Variants in PAK4 observed in about 807,000 individuals in gnomAD.
PAK4 encodes p21 (RAC1) activated kinase 4, also known as serine/threonine-protein kinase PAK 4.
In PAK4, 49 loss-of-function variants were observed where a neutral mutation model predicts 53.5. The observed-to-expected ratio is 0.92, with a 90% CI of 0.73 to 1.16. The LOEUF (loss-of-function observed/expected upper bound fraction) is 1.16. Ranked by LOEUF, PAK4 falls within the 50% of genes most tolerant of loss-of-function variation. The probability of loss-of-function intolerance (pLI) is 0.00; values close to 1 mark genes in which losing one functional copy is unlikely to be tolerated. For missense variants in PAK4, 824 were observed against 850.7 expected (o/e 0.97, Z 0.39); for synonymous variants, 376 against 375.6 (o/e 1.00, Z -0.01).
At chr19:39,159,200 A>G (rs2074243614) in intron 1 of PAK4, among the ~76,000 whole-genome samples, 3 of 152,024 alleles carry the variant, frequency 2.0e-5, no homozygotes, top group Admixed American at 2.0e-4. Context: ...GCTCTTAACC[A>G]CCAGTACAGG....
intron 1 of PAK4, among the ~76,000 whole-genome samples, chr19:39,149,371 T>A (rs2074057436): frequency 6.6e-6 from 1 of 152,210 alleles, no homozygotes; most frequent in Non-Finnish European, 1.5e-5. Context: ...AACATTATGC[T>A]TAGTGAAATC....
Position 39,175,035 on chromosome 19 carries a change from C to T in PAK4, c.1203C>T (p.Gly401=), listed in dbSNP as rs750834218. Residue 401 remains glycine (G), a synonymous_variant, in exon 5 of 9, where the codon GGC becomes GGT. Transcript: ENST00000358301. This position sits in a 1 kb window ranked among gnomAD's most constrained non-coding sequence, Gnocchi z 4.7. Reference sequence around the variant, plus strand: ...TGGTCATGGAGTTCCTGGAAGGAGGCGCCCTCACCGACATCGTCACCCACA... The same window carrying T: ...TGGTCATGGAGTTCCTGGAAGGAGGTGCCCTCACCGACATCGTCACCCACA... 12 of 1,613,182 alleles carry T rather than the reference C, an allele frequency of 7.4e-6. No homozygotes were observed. Among genetic ancestry groups the T allele is most frequent in the Admixed American group, 1.7e-5 (1 of 59,958 alleles).
intron 1 of PAK4, among the ~76,000 whole-genome samples, chr19:39,130,706 G>A (rs1420116527): frequency 6.6e-6 from 1 of 151,870 alleles, no homozygotes; most frequent in Non-Finnish European, 1.5e-5. Context: ...AGCCAGTGTG[G>A]CTGAGCAGGG....
At position 39,175,045 on chromosome 19, in the gene PAK4, G is replaced by A. The variant is rs2144866704; in HGVS notation, c.1213G>A (p.Asp405Asn). 6 of 1,612,250 alleles carry A rather than the reference G, an allele frequency of 3.7e-6. No individual in the cohort carries two copies. Among genetic ancestry groups the A allele is most frequent in the Middle Eastern group, 1.7e-4 (1 of 6,050 alleles). The stretch of plus-strand genomic sequence containing the variant: ...GTTCCTGGAAGGAGGCGCCCTCACC[G>A]ACATCGTCACCCACACCAGGTATTT... Residue 405 changes from aspartate (D) to asparagine (N), a missense_variant, in exon 5 of 9, where the codon GAC (aspartate) becomes AAC (asparagine). By Grantham distance (23) the Asp-to-Asn change is conservative (BLOSUM62 1). Coordinates refer to ENST00000358301, the Ensembl canonical transcript of PAK4. The surrounding 1 kb of genome is among the most constrained non-coding windows in gnomAD (Gnocchi z 4.7).
At chr19:39,181,458 C>G (rs1033797091), downstream of PAK4, 10 of 152,344 alleles carry the variant, frequency 6.6e-5, no homozygotes, top group African/African-American at 2.4e-4. Flanking sequence ...AAGTGCCCAG[C>G]AATCATTAGA....
intron 1 of PAK4, among the ~76,000 whole-genome samples, chr19:39,150,534 C>T (rs1480290867): frequency 3.3e-5 from 5 of 152,080 alleles, no homozygotes; most frequent in African/African-American, 1.2e-4. Context: ...GTCACTCATC[C>T]TCACGCCCAC....
intron 1 of PAK4, among the ~76,000 whole-genome samples, chr19:39,128,109 C>T (rs574092702): frequency 1.8e-4 from 27 of 152,246 alleles, no homozygotes; most frequent in Admixed American, 1.4e-3. Context: ...TGGTACACAC[C>T]CCTCTCCATC....
chr19:39,126,127 G>A (rs1195432813), intron 1 of PAK4, among the ~76,000 whole-genome samples: 1 of 152,128 alleles, frequency 6.6e-6, no homozygotes, highest in Admixed American at 6.5e-5. Flanking sequence ...GTGGCGAAGG[G>A]GAGTGCAAAG....
At chr19:39,162,094 G>T (rs531330778) in intron 1 of PAK4, among the ~76,000 whole-genome samples, 1 of 152,190 alleles carries the variant, frequency 6.6e-6, no homozygotes, top group African/African-American at 2.4e-5. Flanking sequence ...CAAGTAGCTG[G>T]GACTACAGGC....
At chr19:39,170,945 G>A (rs1441676039) in intron 2 of PAK4, among the ~76,000 whole-genome samples, 2 of 152,178 alleles carry the variant, frequency 1.3e-5, no homozygotes, top group African/African-American at 4.8e-5. Flanking sequence ...GGCCGCACCC[G>A]ACCCACCTCA....
intron 1 of PAK4, among the ~76,000 whole-genome samples, chr19:39,142,201 A>G (rs530706110): frequency 6.6e-6 from 1 of 152,082 alleles, no homozygotes; most frequent in African/African-American, 2.4e-5. Context: ...GACCTAGGCC[A>G]TTTGTCCTGG....
At chr19:39,180,975 A>G (rs2074694300), downstream of PAK4, 1 of 152,236 alleles carries the variant, frequency 6.6e-6, no homozygotes, top group East Asian at 1.9e-4. Flanking sequence ...CCTGCTGAAG[A>G]AACCACGGGC....
chr19:39,175,098 C>A lies in PAK4; in HGVS notation c.1232+34C>A, dbSNP rs368773814. On this transcript the variant is annotated intron_variant, in intron 5 of 8. Coordinates refer to ENST00000358301, the Ensembl canonical transcript of PAK4. This position sits in a 1 kb window ranked among gnomAD's most constrained non-coding sequence, Gnocchi z 4.7. ...GGGGCCTCAGACCCCTCCTGTGACA[C>A]GACCAAGTCCCCTCCAGACCACTAG... 3 of 1,581,896 alleles carry A rather than the reference C, an allele frequency of 1.9e-6. No individual in the cohort carries two copies. Among genetic ancestry groups the A allele is most frequent in the South Asian group, 1.2e-5 (1 of 84,480 alleles).
At chr19:39,162,825 C>T (rs1324719956) in intron 1 of PAK4, among the ~76,000 whole-genome samples, 6 of 152,018 alleles carry the variant, frequency 3.9e-5, no homozygotes, top group African/African-American at 1.5e-4. Context: ...TGGGTCGATG[C>T]GTGGGTGGGT....
In PAK4 at chr19:39,176,450, C is replaced by A. The variant is rs1392579228; in HGVS notation, c.1360-140C>A. On this transcript the variant is annotated intron_variant, in intron 6 of 8. Transcript: ENST00000358301. ...CTCCCCATTGGTCTGGCTCTAGACC[C>A]CAGCTCTGACCCTAGACCCCAGCTC... The A allele has an allele frequency of 4.3e-6, 5 of 1,164,630 alleles. No homozygotes were observed. The East Asian group carries it at 1.2e-4, about 28-fold the overall frequency. The allele number at this position is 1,164,630 out of a possible 1,614,324, so 72.1% of individuals were successfully genotyped here.
chr19:39,131,168 G>A (rs1014122475), intron 1 of PAK4, among the ~76,000 whole-genome samples: 1 of 152,110 alleles, frequency 6.6e-6, no homozygotes, highest in African/African-American at 2.4e-5. Flanking sequence ...AGGCCTTGGG[G>A]CTTCAGTGTC....
intron 1 of PAK4, among the ~76,000 whole-genome samples, chr19:39,129,140 C>T (rs775366097): frequency 2.6e-5 from 4 of 152,138 alleles, no homozygotes; most frequent in Admixed American, 2.0e-4. Context: ...AACTCCTGGG[C>T]TCAAGCTATC....
intron 1 of PAK4, among the ~76,000 whole-genome samples, chr19:39,146,061 A>G (rs1467521870): frequency 6.6e-6 from 1 of 152,224 alleles, no homozygotes; most frequent in East Asian, 1.9e-4. Context: ...TAGTGTGTGG[A>G]AGCCTCTTAA....
rs201511246 is a variant in PAK4, at chr19:39,169,540, G to A, written c.-14G>A. On this transcript the variant is annotated 5_prime_UTR_variant, in exon 2 of 9. Transcript: ENST00000358301. ...GTGATTCCCTCCCGCAGGCCGCACC[G>A]AGTCCCCGGCACCATGTTTGGGAAG... 48 of 1,610,680 alleles carry A rather than the reference G, an allele frequency of 3.0e-5. 1 individual carries two copies. The highest frequency in any genetic ancestry group is 1.7e-4 in the Middle Eastern group (1 of 6,050).
Sources: gnomAD v4.1 joint callset for allele counts (sites outside exome capture counted in the v4.1 genomes callset) on GRCh38, gnomAD v4.1.1 for gene constraint, Gnocchi (gnomAD v3.1) non-coding constraint, MANE v1.5 for transcripts, NCBI Gene and HGNC (gene_info 2026-07-23, HGNC 2026-07-21) for gene names.